JAKMIP2: variants seen among roughly 807,000 people sequenced by gnomAD.
JAKMIP2 encodes janus kinase and microtubule-interacting protein 2.
In JAKMIP2, 25 loss-of-function variants were observed where a neutral mutation model predicts 115.0. That is an observed-to-expected ratio of 0.22 (90% CI 0.16 to 0.30). JAKMIP2 has a LOEUF of 0.30. Among genes scored for constraint, JAKMIP2 ranks in the 10% least tolerant of loss-of-function variants. The pLI, the probability that JAKMIP2 is intolerant of heterozygous loss-of-function variation, is 1.00. For synonymous variants in JAKMIP2, 334 were observed against 343.6 expected, an observed-to-expected ratio of 0.97 and a Z score of 0.31; for missense variants, 642 against 957.6, an observed-to-expected ratio of 0.67 and a Z score of 4.35.
chr5:147,746,819 AC>A (rs1391208725), intron 1 of JAKMIP2, among the ~76,000 whole-genome samples: 1 of 152,200 alleles, frequency 6.6e-6, no homozygotes, highest in Non-Finnish European at 1.5e-5. Flanking sequence ...ATAATTGGTG[AC>A]CTAGTAGTCC....
intron 3 of JAKMIP2, among the ~76,000 whole-genome samples, chr5:147,655,653 T>G (rs1758639599): frequency 6.6e-6 from 1 of 152,164 alleles, no homozygotes; most frequent in African/African-American, 2.4e-5. Context: ...AGCTCCTGGA[T>G]TCATTGATTT....
chr5:147,696,527 C>T (rs1048776421), intron 1 of JAKMIP2, among the ~76,000 whole-genome samples: 6 of 152,166 alleles, frequency 3.9e-5, no homozygotes, highest in Non-Finnish European at 7.3e-5. Context: ...TTATAAATTA[C>T]CCAGTCTTGG....
At chr5:147,705,806 T>C (rs547798355) in intron 1 of JAKMIP2, among the ~76,000 whole-genome samples, 1 of 152,334 alleles carries the variant, frequency 6.6e-6, no homozygotes, top group East Asian at 1.9e-4. Flanking sequence ...GGACTTACCA[T>C]TTAAAACTAT....
chr5:147,730,482 AGTCTCGCTCTGTCGCC>A (rs1753688355), intron 1 of JAKMIP2, among the ~76,000 whole-genome samples: 1 of 150,216 alleles, frequency 6.7e-6, no homozygotes, highest in Non-Finnish European at 1.5e-5. Flanking sequence ...TTTGAGGTGG[AGTCTCGCTCTGTCGCC>A]AGGCTGGAGT....
intron 1 of JAKMIP2, among the ~76,000 whole-genome samples, chr5:147,771,650 C>T (rs1580905592): frequency 6.6e-6 from 1 of 151,892 alleles, no homozygotes; most frequent in Non-Finnish European, 1.5e-5. Flanking sequence ...TAGTTTAGGG[C>T]CATTAGTTAC....
chr5:147,641,064 G>T (rs1757859252), intron 8 of JAKMIP2, among the ~76,000 whole-genome samples: 1 of 152,104 alleles, frequency 6.6e-6, no homozygotes, highest in African/African-American at 2.4e-5. Flanking sequence ...TAGAAACACT[G>T]AAACCTCTTT....
At chr5:147,618,164 CTGGTGTGGGAGT>C (rs779369045) in intron 18 of JAKMIP2, 50 bp from the exon 19 acceptor site, 1 of 1,079,178 alleles carries the variant, frequency 9.3e-7, no homozygotes, top group East Asian at 3.4e-5. Context: ...GCATTGATAT[CTGGTGTGGGAGT>C]GTATGCTATG....
chr5:147,660,468 G>T (rs1348724422), intron 3 of JAKMIP2: 2 of 454,786 alleles, frequency 4.4e-6, no homozygotes, highest in Admixed American at 4.7e-5. Flanking sequence ...GTTTCTGGAA[G>T]AAAAGACTCA....
rs758912975 is a variant in JAKMIP2, at chr5:147,707,519, C to T, written c.-148-35565G>A. On this transcript the variant is annotated intron_variant, in intron 1 of 21. Transcript: ENST00000616793. Reference sequence around the variant, plus strand: ...TTAATACCACATTATCTCAGAGTGACGCAGCCCCCTCCTAGGCCCCATGAG... The same window carrying T: ...TTAATACCACATTATCTCAGAGTGATGCAGCCCCCTCCTAGGCCCCATGAG... Among the ~76,000 whole-genome samples the T allele has an allele frequency of 2.0e-5, 3 of 151,998 alleles. No individual in the cohort carries two copies. In the East Asian group the frequency reaches 5.8e-4, roughly 29 times the overall value.
chr5:147,742,141 A>ATT (rs1754162536), intron 1 of JAKMIP2, among the ~76,000 whole-genome samples: 1 of 112,060 alleles, frequency 8.9e-6, no homozygotes, highest in African/African-American at 4.0e-5. Flanking sequence ...GTGGATCATT[A>ATT]TATATATATA....
At chr5:147,685,966 G>C (rs1361563431) in intron 1 of JAKMIP2, among the ~76,000 whole-genome samples, 2 of 152,274 alleles carry the variant, frequency 1.3e-5, no homozygotes, top group African/African-American at 4.8e-5. Context: ...ACAGAATTCA[G>C]TGAGGACAAG....
At chr5:147,724,024 G>A (rs534953667) in intron 1 of JAKMIP2, among the ~76,000 whole-genome samples, 105 of 152,296 alleles carry the variant, frequency 6.9e-4, no homozygotes, top group Admixed American at 1.6e-3. Flanking sequence ...ATTATAAAGA[G>A]TAATTCACTT....
intron 21 of JAKMIP2, 21 bp from the exon 22 acceptor site, chr5:147,591,707 A>T (rs1294279660): frequency 2.8e-6 from 4 of 1,454,122 alleles, no homozygotes; most frequent in African/African-American, 1.4e-5. Context: ...GAGGAAAAAA[A>T]TTATTTATAT....
At chr5:147,728,291 T>C (rs1753596660) in intron 1 of JAKMIP2, among the ~76,000 whole-genome samples, 1 of 152,114 alleles carries the variant, frequency 6.6e-6, no homozygotes, top group Admixed American at 6.5e-5. Flanking sequence ...AAGGCTCCCA[T>C]CAGGGTGGGC....
intron 15 of JAKMIP2, 124 bp downstream of exon 15, chr5:147,629,569 G>A: frequency 1.6e-6 from 1 of 634,166 alleles, no homozygotes; most frequent in Non-Finnish European, 2.7e-6. Flanking sequence ...TTCTTCCCAA[G>A]GAGCAACATC....
At chr5:147,686,951 G>C (rs945511520) in intron 1 of JAKMIP2, among the ~76,000 whole-genome samples, 5 of 151,848 alleles carry the variant, frequency 3.3e-5, no homozygotes, top group African/African-American at 1.2e-4. Flanking sequence ...AAATCTCCAG[G>C]GCTCATAATT....
At chr5:147,721,695 TC>T (rs1753306583) in intron 1 of JAKMIP2, among the ~76,000 whole-genome samples, 1 of 150,444 alleles carries the variant, frequency 6.6e-6, no homozygotes, top group African/African-American at 2.5e-5. Flanking sequence ...GCAATGCCTC[TC>T]CCTGCTTCGG....
At chr5:147,684,562 G>A (rs1459351550) in intron 1 of JAKMIP2, among the ~76,000 whole-genome samples, 1 of 152,120 alleles carries the variant, frequency 6.6e-6, no homozygotes, top group African/African-American at 2.4e-5. Flanking sequence ...TAAGTGTGAG[G>A]AATAAATTGT....
intron 3 of JAKMIP2, 24 bp from the exon 4 acceptor site, chr5:147,650,571 AT>A: frequency 6.5e-7 from 1 of 1,549,742 alleles, no homozygotes; most frequent in Non-Finnish European, 8.9e-7. Context: ...GACCCAGGAC[AT>A]TTTATTTAAC....
Sources: gnomAD v4.1 joint callset for allele counts (sites outside exome capture counted in the v4.1 genomes callset) on GRCh38, gnomAD v4.1.1 for gene constraint, MANE v1.5 for transcripts, NCBI Gene and HGNC (gene_info 2026-07-23, HGNC 2026-07-21) for gene names.